DST: variants seen among roughly 807,000 people sequenced by gnomAD.
DST encodes the protein dystonin, also known as bullous pemphigoid antigen.
DST carries 253 observed loss-of-function variants against 875.2 expected under a neutral mutation model. That is an observed-to-expected ratio of 0.29 (90% CI 0.26 to 0.32). DST has a LOEUF of 0.32. Ranked by LOEUF, DST falls within the 10% of genes least tolerant of loss-of-function variation. DST has a pLI of 1.00. For missense variants in DST, 8,287 were observed against 9,111.6 expected, an observed-to-expected ratio of 0.91 and a Z score of 3.68; for synonymous variants, 3,124 against 3,197.1, an observed-to-expected ratio of 0.98 and a Z score of 0.77.
chr6:56,893,072 T>C (rs1265363319), intron 3 of DST, among the ~76,000 whole-genome samples: 2 of 152,230 alleles, frequency 1.3e-5, no homozygotes, highest in Non-Finnish European at 2.9e-5. Flanking sequence ...AGTTCTTTAG[T>C]GGTGATTTGT....
chr6:56,708,316 G>T (rs918454179), intron 5 of DST, among the ~76,000 whole-genome samples: 49 of 151,708 alleles, frequency 3.2e-4, no homozygotes, highest in Non-Finnish European at 8.8e-5. Flanking sequence ...AAAAATCAAT[G>T]ACCTGTCAAC....
chr6:56,912,323 T>A (rs73459728), intron 2 of DST, among the ~76,000 whole-genome samples: 4,409 of 152,292 alleles, frequency 0.029, 207 homozygotes, highest in African/African-American at 0.095. Context: ...CAGCCACATA[T>A]TTTTATTTAA....
At chr6:56,482,401 T>A in intron 89 of DST, 1 of 563,200 alleles carries the variant, frequency 1.8e-6, no homozygotes, top group Non-Finnish European at 2.8e-6. Context: ...TTTACCACTT[T>A]AACAACTTGA....
chr6:56,609,407 C>T, intron 39 of DST, 63 bp from the exon 40 acceptor site: 2 of 1,195,374 alleles, frequency 1.7e-6, no homozygotes, highest in Non-Finnish European at 2.4e-6. Flanking sequence ...GAGTTTCATG[C>T]AACTTAGGTT....
intron 4 of DST, among the ~76,000 whole-genome samples, chr6:56,837,342 C>A (rs983815751): frequency 6.6e-6 from 1 of 152,204 alleles, no homozygotes; most frequent in African/African-American, 2.4e-5. Context: ...GCACCCGCCT[C>A]CTGTCCCCAC....
chr6:56,644,367 C>T (rs1048823947), intron 15 of DST, among the ~76,000 whole-genome samples: 4 of 152,134 alleles, frequency 2.6e-5, no homozygotes, highest in Non-Finnish European at 5.9e-5. Context: ...ACAGGTTAGA[C>T]ATGCTCTCAT....
At chr6:56,471,365 C>T in intron 94 of DST, 97 bp from the exon 95 acceptor site, 1 of 845,446 alleles carries the variant, frequency 1.2e-6, no homozygotes, top group Non-Finnish European at 1.7e-6. Context: ...CTAGGTAGTA[C>T]ACATATCCTT....
At chr6:56,655,793 C>A (rs947521148) in intron 10 of DST, among the ~76,000 whole-genome samples, 9 of 152,308 alleles carry the variant, frequency 5.9e-5, no homozygotes, top group Middle Eastern at 3.4e-3. Flanking sequence ...CTCGGTTCCA[C>A]CACCATTTCC....
At chr6:56,924,603 C>T (rs545601516) in intron 2 of DST, among the ~76,000 whole-genome samples, 4 of 152,104 alleles carry the variant, frequency 2.6e-5, no homozygotes, top group South Asian at 2.1e-4. Flanking sequence ...TGGTCATCTT[C>T]GATTTCTACT....
intron 1 of DST, 146 bp downstream of exon 1, chr6:56,954,261 G>T: frequency 2.1e-6 from 1 of 475,298 alleles, no homozygotes; most frequent in Non-Finnish European, 3.6e-6. Flanking sequence ...AAGGGCAAGG[G>T]GCGTTAAAGA....
intron 10 of DST, among the ~76,000 whole-genome samples, chr6:56,653,634 G>A (rs2098988254): frequency 1.3e-5 from 2 of 152,176 alleles, no homozygotes; most frequent in South Asian, 4.2e-4. Context: ...GCAGTGAGCC[G>A]AGATCATGCC....
chr6:56,476,900 C>CTCG (rs1343028977), intron 91 of DST, among the ~76,000 whole-genome samples: 1 of 151,722 alleles, frequency 6.6e-6, no homozygotes, highest in Non-Finnish European at 1.5e-5. Context: ...TGCAGTGAGC[C>CTCG]GAGATCCAGC....
chr6:56,825,502 T>TAAAAAAAAAAAAAAAA (rs749148452), intron 4 of DST, among the ~76,000 whole-genome samples: 1 of 109,348 alleles, frequency 9.1e-6, no homozygotes, highest in Admixed American at 9.9e-5. Context: ...CAATAAATAC[T>TAAAAAAAAAAAAAAAA]AAAAAAAAAA....
intron 3 of DST, among the ~76,000 whole-genome samples, chr6:56,870,294 C>T (rs13213588): frequency 4.1e-4 from 62 of 152,164 alleles, no homozygotes; most frequent in African/African-American, 1.5e-3. Context: ...AGCCAATCAT[C>T]TATCGCCTGA....
In DST at chr6:56,460,272, C is replaced by A; in HGVS notation, c.23071-18G>T. 6.2e-7 allele frequency: 1 copy of A among 1,613,716 alleles called. No homozygotes were observed. Among genetic ancestry groups the A allele is most frequent in the Non-Finnish European group, 8.5e-7 (1 of 1,179,720 alleles). ...GGCGTTCCCTGTATTTAACCAGCAA[C>A]AAGACATTTCAAAATATTGCTCCTG... is the stretch of plus-strand genomic sequence containing the variant. On this transcript the variant is annotated intron_variant, in intron 102 of 103. Transcript: ENST00000680361.
At chr6:56,644,970 C>T (rs1414133279) in intron 15 of DST, among the ~76,000 whole-genome samples, 8 of 152,198 alleles carry the variant, frequency 5.3e-5, no homozygotes, top group African/African-American at 1.2e-4. Context: ...AGAGATCTGA[C>T]GGTTTTGTAA....
At chr6:56,600,501 A>C (rs532575382) in intron 44 of DST, among the ~76,000 whole-genome samples, 8 of 152,210 alleles carry the variant, frequency 5.3e-5, no homozygotes, top group Admixed American at 3.3e-4. Flanking sequence ...AACAGGAAGA[A>C]ACATCCCATT....
chr6:56,934,892 T>C (rs1447724493), intron 2 of DST, among the ~76,000 whole-genome samples: 1 of 152,120 alleles, frequency 6.6e-6, no homozygotes, highest in Non-Finnish European at 1.5e-5. Flanking sequence ...AATATTGATG[T>C]CCACTAAAAG....
In DST at chr6:56,691,713, T is replaced by A. The variant is rs571822104; in HGVS notation, c.1047+7940A>T. On this transcript the variant is annotated intron_variant, in intron 9 of 103. Coordinates refer to ENST00000680361, the MANE Select transcript of DST (RefSeq NM_001374736.1). ...TAAGTAACTTGTCTAAAGCTAAATA[T>A]CAGTGTTAGGAATAAAGATCTCAAC... 5.8e-4 allele frequency among the ~76,000 whole-genome samples: 89 copies of A among 152,248 alleles called. 5 individuals are homozygous for A. The South Asian group carries it at 0.018, about 31-fold the overall frequency.
Sources: gnomAD v4.1 joint callset for allele counts (sites outside exome capture counted in the v4.1 genomes callset) on GRCh38, gnomAD v4.1.1 for gene constraint, MANE v1.5 for transcripts, NCBI Gene and HGNC (gene_info 2026-07-23, HGNC 2026-07-21) for gene names.